Variants in RTP2 observed in about 807,000 individuals in gnomAD.
The protein encoded by RTP2 is receptor-transporting protein 2.
In RTP2, 12 loss-of-function variants were observed where a neutral mutation model predicts 17.9. The observed-to-expected ratio is 0.67, with a 90% CI of 0.43 to 1.09. The LOEUF (loss-of-function observed/expected upper bound fraction) is 1.09. Ranked by LOEUF, RTP2 falls within the 50% of genes least tolerant of loss-of-function variation. The pLI, the probability that RTP2 is intolerant of heterozygous loss-of-function variation, is 0.00. For synonymous variants in RTP2, 126 were observed against 117.7 expected, an observed-to-expected ratio of 1.07 and a Z score of -0.46; for missense variants, 327 against 295.7, an observed-to-expected ratio of 1.11 and a Z score of -0.78.
the RTP2 span, among the ~76,000 whole-genome samples, chr3:187,708,969 C>CTTT: frequency 7.0e-5 from 10 of 142,350 alleles, no homozygotes; most frequent in East Asian, 4.1e-4. Context: ...TTTTTTTTTC[C>CTTT]TTTTTTTTTT....
At chr3:187,707,956 T>A in the RTP2 span, among the ~76,000 whole-genome samples, 1 of 152,156 alleles carries the variant, frequency 6.6e-6, no homozygotes, top group African/African-American at 2.4e-5. Context: ...TATTCTTTTG[T>A]ACACTCCCAA....
At chr3:187,698,741 C>T (rs767290554) in exon 2 of RTP2, 2 of 1,613,962 alleles carry the variant, frequency 1.2e-6, no homozygotes, top group South Asian at 1.1e-5. Context: ...GCCCGCTGTC[C>T]GGGCGGCTGG....
At chr3:187,703,911 G>A (rs1717924634), upstream of RTP2, among the ~76,000 whole-genome samples, 1 of 151,968 alleles carries the variant, frequency 6.6e-6, no homozygotes, top group South Asian at 2.1e-4. Flanking sequence ...ATTTAGCATA[G>A]CAGCTTCTAA....
At chr3:187,710,966 A>G in the RTP2 span, among the ~76,000 whole-genome samples, 1 of 152,162 alleles carries the variant, frequency 6.6e-6, no homozygotes, top group African/African-American at 2.4e-5. Context: ...GAAATTTCAA[A>G]GGTGCTGACC....
At chr3:187,701,183 C>T (rs1422390960) in intron 1 of RTP2, among the ~76,000 whole-genome samples, 1 of 152,176 alleles carries the variant, frequency 6.6e-6, no homozygotes, top group African/African-American at 2.4e-5. Context: ...TTTCTGTAGT[C>T]CCAGTCCCCA....
At position 187,698,565 on chromosome 3, in the gene RTP2, A is replaced by AAG. The variant is rs1717748382; in HGVS notation, c.609_610dup (p.Phe204SerfsTer28). 1 of 1,614,096 alleles carries AAG rather than the reference A, an allele frequency of 6.2e-7. No individual in the cohort carries two copies. Among genetic ancestry groups the AAG allele is most frequent in the Non-Finnish European group, 8.5e-7 (1 of 1,180,044 alleles). ...AACGAGCAGGCAGAGAGAGGCCCAG[A>AAG]AGAGGCACCAGCGAAGAGACAAGAA... On this transcript the variant is annotated frameshift_variant, in exon 2 of 2. Transcript: ENST00000358241. LOFTEE classifies it high-confidence loss of function.
chr3:187,703,745 G>A (rs911815492), upstream of RTP2, among the ~76,000 whole-genome samples: 2 of 152,116 alleles, frequency 1.3e-5, no homozygotes, highest in Non-Finnish European at 2.9e-5. Flanking sequence ...CTAGACCCTC[G>A]TGCCAGGAAA....
the RTP2 span, among the ~76,000 whole-genome samples, chr3:187,711,274 G>A: frequency 2.6e-5 from 4 of 152,244 alleles, no homozygotes; most frequent in African/African-American, 9.6e-5. Context: ...ACTGAAACAT[G>A]GTCCCTGCCC....
Position 187,701,983 on chromosome 3 carries a change from T to C in RTP2, c.146A>G (p.Glu49Gly), listed in dbSNP as rs757974790. The C allele has an allele frequency of 1.9e-6, 3 of 1,607,610 alleles. No homozygotes were observed. In the South Asian group the frequency reaches 3.3e-5, roughly 18 times the overall value. The change falls in exon 1 of 2, where the codon GAG (glutamate) becomes GGG (glycine). Residue 49 changes from glutamate (E) to glycine (G), a missense_variant. Transcript: ENST00000358241. ...CTCTCACCTGCCTGAGGCGTGCTGC[T>C]CCAGGTACTGCTTCCAGCCAGGGGC...
At chr3:187,710,397 A>C in the RTP2 span, among the ~76,000 whole-genome samples, 1 of 134,572 alleles carries the variant, frequency 7.4e-6, no homozygotes, top group Non-Finnish European at 1.6e-5. Context: ...ATATATATAT[A>C]TATCATATAT....
chr3:187,714,275 C>A, the RTP2 span, among the ~76,000 whole-genome samples: 1 of 152,140 alleles, frequency 6.6e-6, no homozygotes. Context: ...CCTCTTTTGC[C>A]CAAGAATTGA....
chr3:187,710,075 A>T, the RTP2 span, among the ~76,000 whole-genome samples: 1 of 152,292 alleles, frequency 6.6e-6, no homozygotes, highest in Middle Eastern at 3.4e-3. Flanking sequence ...CCCAACGTGG[A>T]TGGGCATCAT....
At chr3:187,699,715 T>C (rs1025002322) in intron 1 of RTP2, among the ~76,000 whole-genome samples, 8 of 144,518 alleles carry the variant, frequency 5.5e-5, no homozygotes, top group African/African-American at 2.1e-4. Flanking sequence ...AGGGTATTCA[T>C]TCCCATTGCC....
chr3:187,711,987 G>A, the RTP2 span, among the ~76,000 whole-genome samples: 45 of 152,180 alleles, frequency 3.0e-4, no homozygotes, highest in South Asian at 2.1e-4. Context: ...AGAGATGAAG[G>A]GAGGGAAACA....
At chr3:187,714,117 C>T in the RTP2 span, among the ~76,000 whole-genome samples, 4 of 152,166 alleles carry the variant, frequency 2.6e-5, no homozygotes, top group Non-Finnish European at 1.5e-5. Context: ...GGATATCTTG[C>T]TTCCTTAACT....
At chr3:187,699,330 G>A (rs1054649288) in intron 1 of RTP2, among the ~76,000 whole-genome samples, 10 of 152,168 alleles carry the variant, frequency 6.6e-5, no homozygotes, top group South Asian at 2.1e-4. Context: ...CGCTGTGCAG[G>A]GTCATCCCCC....
exon 1 of RTP2, chr3:187,702,342 C>A: frequency 1.7e-6 from 1 of 584,324 alleles, no homozygotes; most frequent in Non-Finnish European, 3.1e-6. Flanking sequence ...AGAAGGGAAG[C>A]CCCAAGGGGG....
chr3:187,712,559 A>C, the RTP2 span, among the ~76,000 whole-genome samples: 98 of 152,308 alleles, frequency 6.4e-4, 1 homozygote, highest in African/African-American at 2.3e-3. Context: ...GAGCTGAAAA[A>C]TGGCTTAGAA....
chr3:187,699,981 C>T (rs1315185567), intron 1 of RTP2, among the ~76,000 whole-genome samples: 1 of 152,170 alleles, frequency 6.6e-6, no homozygotes, highest in Admixed American at 6.5e-5. Flanking sequence ...CTTTCCTTCC[C>T]TGAGATGAGC....
Sources: gnomAD v4.1 joint callset for allele counts (sites outside exome capture counted in the v4.1 genomes callset) on GRCh38, gnomAD v4.1.1 for gene constraint, MANE v1.5 for transcripts, NCBI Gene and HGNC (gene_info 2026-07-23, HGNC 2026-07-21) for gene names.